The following CTNNA3 variants were observed in gnomAD, a reference collection of about 807,000 sequenced individuals.
CTNNA3 encodes catenin alpha 3, also known as catenin alpha-3.
Under a neutral mutation model 95.7 loss-of-function variants are expected in CTNNA3, and 76 were observed. That is an observed-to-expected ratio of 0.79 (90% CI 0.66 to 0.96). The LOEUF is 0.96. CTNNA3 is among the 40% of genes least tolerant of loss of function. CTNNA3 has a pLI of 0.00. For synonymous variants in CTNNA3, 431 were observed against 374.4 expected (o/e 1.15, Z -1.74); for missense variants, 1,191 against 1,089.8 (o/e 1.09, Z -1.31).
intron 7 of CTNNA3, chr10:66,926,402 T>C: frequency 1.5e-6 from 1 of 683,934 alleles, no homozygotes; most frequent in Non-Finnish European, 2.6e-6. Context: ...GTTCTTGGAG[T>C]GTTCTGCGTG....
chr10:66,884,921 G>T (rs1276078920), intron 7 of CTNNA3, among the ~76,000 whole-genome samples: 1 of 152,030 alleles, frequency 6.6e-6, no homozygotes, highest in Non-Finnish European at 1.5e-5. Context: ...AGCAAGGAGG[G>T]TCATAAGTTA....
intron 12 of CTNNA3, among the ~76,000 whole-genome samples, chr10:66,350,601 G>A (rs2092559589): frequency 7.6e-6 from 1 of 130,744 alleles, no homozygotes; most frequent in Non-Finnish European, 1.8e-5. Flanking sequence ...AAATTGGAAA[G>A]GGGCTCCTGA....
chr10:66,016,692 G>A (rs541423926), intron 15 of CTNNA3, among the ~76,000 whole-genome samples: 1 of 152,176 alleles, frequency 6.6e-6, no homozygotes, highest in Admixed American at 6.5e-5. Context: ...GACCTCAGTA[G>A]AACTAGTCCC....
At chr10:67,305,590 A>G (rs1840520810) in intron 5 of CTNNA3, among the ~76,000 whole-genome samples, 2 of 152,020 alleles carry the variant, frequency 1.3e-5, no homozygotes, top group Admixed American at 1.3e-4. Flanking sequence ...CACAATGTGA[A>G]TTGTAAAAAA....
At chr10:66,793,313 T>C (rs902629079) in intron 7 of CTNNA3, among the ~76,000 whole-genome samples, 1 of 152,086 alleles carries the variant, frequency 6.6e-6, no homozygotes, top group Non-Finnish European at 1.5e-5. Context: ...AGAAAATTTT[T>C]TTCTATTTTT....
intron 13 of CTNNA3, among the ~76,000 whole-genome samples, chr10:66,212,071 C>G (rs1181065260): frequency 7.1e-6 from 1 of 141,200 alleles, no homozygotes; most frequent in African/African-American, 2.7e-5. Context: ...CTCGTTGCAA[C>G]CTCTGCATCC....
chr10:67,362,859 T>G (rs1482493194), intron 5 of CTNNA3, among the ~76,000 whole-genome samples: 1 of 151,664 alleles, frequency 6.6e-6, no homozygotes, highest in Non-Finnish European at 1.5e-5. Context: ...TAGAAAACCC[T>G]GAAGTCTCTG....
At chr10:66,404,853 T>G (rs1008915294) in intron 11 of CTNNA3, among the ~76,000 whole-genome samples, 1 of 151,960 alleles carries the variant, frequency 6.6e-6, no homozygotes. Flanking sequence ...CTTCTTCCAC[T>G]GTGGCCCAGG....
intron 3 of CTNNA3, among the ~76,000 whole-genome samples, chr10:67,558,941 G>T (rs1288879926): frequency 1.3e-5 from 2 of 152,194 alleles, no homozygotes; most frequent in Non-Finnish European, 2.9e-5. Flanking sequence ...GGGGAGGGGT[G>T]CCCGCCATTG....
Position 66,280,504 on chromosome 10 carries a change from A to G in CTNNA3, c.1850T>C (p.Ile617Thr), listed in dbSNP as rs190239785. ...VDISKKIYDT[I>T]HDIRCSVMMI... ...CATGACTGAACATCTGATATCATGA[A>G]TTGTATCATAGATCTTCTTTGAGAT... The change falls in exon 13 of 18, where the codon ATT becomes ACT. Residue 617 changes from isoleucine to threonine, a missense_variant. Ile to Thr is a moderately conservative substitution (Grantham distance 89). Coordinates refer to ENST00000433211, the MANE Select transcript of CTNNA3 (RefSeq NM_013266.4). 363 of 1,608,938 alleles carry G rather than the reference A, an allele frequency of 2.3e-4. 3 individuals carry two copies. In the East Asian group the frequency reaches 6.0e-3, roughly 27 times the overall value.
chr10:66,663,348 T>C, intron 9 of CTNNA3, among the ~76,000 whole-genome samples: 1 of 151,854 alleles, frequency 6.6e-6, no homozygotes, highest in East Asian at 1.9e-4. Flanking sequence ...ACCTCAGAAT[T>C]TACTCTTCCC....
chr10:67,627,042 A>C (rs1589505497), intron 2 of CTNNA3, among the ~76,000 whole-genome samples: 1 of 152,208 alleles, frequency 6.6e-6, no homozygotes, highest in Non-Finnish European at 1.5e-5. Flanking sequence ...TAAGGTCATA[A>C]AACTGTTGTT....
chr10:67,502,828 C>T (rs1839275532), intron 5 of CTNNA3, among the ~76,000 whole-genome samples: 1 of 152,208 alleles, frequency 6.6e-6, no homozygotes, highest in Admixed American at 6.5e-5. Context: ...ACACCAAGCT[C>T]AAGCATCCCA....
intron 3 of CTNNA3, among the ~76,000 whole-genome samples, chr10:67,605,996 T>A (rs1235744178): frequency 7.9e-5 from 12 of 152,210 alleles, no homozygotes; most frequent in Admixed American, 7.9e-4. Context: ...ATCCCCTGTA[T>A]CATACATGTG....
intron 12 of CTNNA3, among the ~76,000 whole-genome samples, chr10:66,283,071 A>G (rs1452273124): frequency 6.6e-6 from 1 of 151,840 alleles, no homozygotes; most frequent in Non-Finnish European, 1.5e-5. Context: ...GTTAATCATT[A>G]CTTTTGTAGT....
At position 66,717,037 on chromosome 10, in the gene CTNNA3, GA is replaced by G. The variant is rs796489841; in HGVS notation, c.1281+49226del. 1.9e-3 allele frequency among the ~76,000 whole-genome samples: 256 copies of G among 135,174 alleles called. 3 individuals carry two copies. The highest frequency in any genetic ancestry group is 7.1e-3 in the East Asian group (34 of 4,794). 88.7% of individuals were successfully genotyped at this position (135,174 alleles called of 152,430 possible). ...GCCATAAAAGCAAAAGATAAAAACA[GA>G]AAAAAAAAAAAACAGAAAACTGAGG... On this transcript the variant is annotated intron_variant, in intron 9 of 17. Coordinates refer to ENST00000433211, the MANE Select transcript of CTNNA3 (RefSeq NM_013266.4).
chr10:67,335,820 T>G (rs578013653), intron 5 of CTNNA3, among the ~76,000 whole-genome samples: 2 of 152,202 alleles, frequency 1.3e-5, no homozygotes, highest in Non-Finnish European at 2.9e-5. Context: ...GAGAACTTAC[T>G]GTGTGTAAAT....
intron 1 of CTNNA3, among the ~76,000 whole-genome samples, chr10:67,649,406 G>A (rs1310008086): frequency 2.0e-5 from 3 of 152,178 alleles, no homozygotes; most frequent in Admixed American, 6.5e-5. Flanking sequence ...CAACCTAGAA[G>A]GAGCTTTCTA....
chr10:66,226,651 G>C (rs1027998295), intron 13 of CTNNA3, among the ~76,000 whole-genome samples: 2 of 151,230 alleles, frequency 1.3e-5, no homozygotes, highest in African/African-American at 4.9e-5. Flanking sequence ...GGGTAGTATG[G>C]TCATTTTTAT....
Sources: gnomAD v4.1 joint callset for allele counts (sites outside exome capture counted in the v4.1 genomes callset) on GRCh38, gnomAD v4.1.1 for gene constraint, MANE v1.5 for transcripts, NCBI Gene and HGNC (gene_info 2026-07-23, HGNC 2026-07-21) for gene names.